The following PHACTR1 variants were observed in gnomAD, a reference collection of about 807,000 sequenced individuals.
PHACTR1 encodes phosphatase and actin regulator 1, also known as RPEL repeat containing 1.
PHACTR1 carries 16 observed loss-of-function variants against 69.2 expected under a neutral mutation model. The ratio of observed to expected loss-of-function variants is 0.23; its 90% confidence interval spans 0.16 to 0.35. The LOEUF (loss-of-function observed/expected upper bound fraction) is 0.35. PHACTR1 is among the 10% of genes least tolerant of loss of function. PHACTR1 has a pLI of 1.00. For missense variants in PHACTR1, 510 were observed against 734.7 expected (o/e 0.69, Z 3.54); for synonymous variants, 312 against 284.5 (o/e 1.10, Z -0.97).
chr6:13,190,011 A>C (rs1252020323), intron 7 of PHACTR1, among the ~76,000 whole-genome samples: 1 of 142,130 alleles, frequency 7.0e-6, no homozygotes, highest in Non-Finnish European at 1.5e-5. Flanking sequence ...GAGATCTCTG[A>C]TATCTCTTCT....
At chr6:12,840,765 A>G (rs191822866) in intron 4 of PHACTR1, among the ~76,000 whole-genome samples, 5 of 152,260 alleles carry the variant, frequency 3.3e-5, no homozygotes, top group South Asian at 4.1e-4. Flanking sequence ...ATTTATGTCT[A>G]TTCAAAGGTA....
intron 4 of PHACTR1, among the ~76,000 whole-genome samples, chr6:12,973,122 A>G (rs1003132112): frequency 1.3e-5 from 2 of 152,136 alleles, no homozygotes; most frequent in Non-Finnish European, 2.9e-5. Context: ...TCCTTCTGCC[A>G]TGTAAGGTAC....
chr6:12,990,142 G>T (rs1054925914), intron 4 of PHACTR1, among the ~76,000 whole-genome samples: 17 of 152,144 alleles, frequency 1.1e-4, no homozygotes, highest in Non-Finnish European at 2.4e-4. Flanking sequence ...GTTTTCTAAG[G>T]TCTTATGAGA....
At chr6:12,793,798 T>TC (rs1392696653) in intron 4 of PHACTR1, among the ~76,000 whole-genome samples, 4 of 152,190 alleles carry the variant, frequency 2.6e-5, no homozygotes, top group African/African-American at 9.7e-5. Context: ...CTTTAATGAG[T>TC]CATCAGATTT....
intron 3 of PHACTR1, among the ~76,000 whole-genome samples, chr6:12,728,716 G>A (rs1040570208): frequency 6.6e-6 from 1 of 152,144 alleles, no homozygotes; most frequent in East Asian, 1.9e-4. Flanking sequence ...CAGGTAATAT[G>A]TAACTCTTTC....
At chr6:12,753,440 A>C (rs1766864153) in intron 4 of PHACTR1, among the ~76,000 whole-genome samples, 1 of 152,212 alleles carries the variant, frequency 6.6e-6, no homozygotes, top group Admixed American at 6.5e-5. Context: ...AATTAAGCCC[A>C]TCTTATATTT....
chr6:13,109,088 C>A (rs1435718517), intron 5 of PHACTR1, among the ~76,000 whole-genome samples: 2 of 151,986 alleles, frequency 1.3e-5, no homozygotes, highest in African/African-American at 4.8e-5. Context: ...AAACAGTAAA[C>A]CTCCATTTTC....
intron 3 of PHACTR1, among the ~76,000 whole-genome samples, chr6:12,719,194 G>A (rs1349569467): frequency 1.3e-5 from 2 of 152,198 alleles, no homozygotes; most frequent in African/African-American, 4.8e-5. Flanking sequence ...CACAGCTCTT[G>A]AAATCTTAGG....
At chr6:12,929,229 G>A (rs1788611561) in intron 4 of PHACTR1, among the ~76,000 whole-genome samples, 1 of 152,166 alleles carries the variant, frequency 6.6e-6, no homozygotes, top group East Asian at 1.9e-4. Context: ...TTCCCCACGT[G>A]GTTAGGCTGC....
At chr6:13,195,019 T>C (rs112126890) in intron 7 of PHACTR1, among the ~76,000 whole-genome samples, 9 of 152,170 alleles carry the variant, frequency 5.9e-5, no homozygotes, top group African/African-American at 2.2e-4. Flanking sequence ...TTCATTACTC[T>C]TGTTTCTCTC....
At chr6:12,805,347 C>T (rs1331626805) in intron 4 of PHACTR1, among the ~76,000 whole-genome samples, 1 of 152,154 alleles carries the variant, frequency 6.6e-6, no homozygotes, top group Non-Finnish European at 1.5e-5. Flanking sequence ...AATTGTCAGT[C>T]CCCTATCTCA....
chr6:12,802,922 T>C (rs1041401006), intron 4 of PHACTR1, among the ~76,000 whole-genome samples: 2 of 152,224 alleles, frequency 1.3e-5, no homozygotes, highest in Non-Finnish European at 2.9e-5. Context: ...CAATTCAGTG[T>C]ATTCCTTACT....
chr6:13,285,531 C>T (rs1277607321), intron 13 of PHACTR1, among the ~76,000 whole-genome samples: 1 of 152,188 alleles, frequency 6.6e-6, no homozygotes, highest in Non-Finnish European at 1.5e-5. Flanking sequence ...TCTTTGCTGT[C>T]TGATTCCAGG....
intron 10 of PHACTR1, among the ~76,000 whole-genome samples, chr6:13,237,076 A>T (rs1469599055): frequency 6.6e-6 from 1 of 152,238 alleles, no homozygotes; most frequent in South Asian, 2.1e-4. Flanking sequence ...TGACAATTTC[A>T]ATTTTTTTAG....
At chr6:13,127,964 C>A (rs1055410992) in intron 5 of PHACTR1, among the ~76,000 whole-genome samples, 1 of 151,546 alleles carries the variant, frequency 6.6e-6, no homozygotes, top group Non-Finnish European at 1.5e-5. Context: ...ACAATCATGG[C>A]GGAAGGGGAA....
intron 7 of PHACTR1, chr6:13,184,664 A>T: frequency 3.6e-6 from 2 of 555,222 alleles, no homozygotes; most frequent in Non-Finnish European, 6.2e-6. Context: ...GTAGCTCTCT[A>T]CACATGCGTG....
chr6:13,078,340 TAA>T (rs1218054057), intron 5 of PHACTR1, among the ~76,000 whole-genome samples: 1 of 152,186 alleles, frequency 6.6e-6, no homozygotes, highest in Non-Finnish European at 1.5e-5. Flanking sequence ...CCCTTTTTTG[TAA>T]AGACACCAGT....
intron 4 of PHACTR1, among the ~76,000 whole-genome samples, chr6:12,914,870 A>G (rs1201573903): frequency 2.0e-5 from 3 of 152,220 alleles, no homozygotes; most frequent in African/African-American, 7.2e-5. Context: ...GTTCAGGTCC[A>G]CTGGAGAAAG....
intron 7 of PHACTR1, among the ~76,000 whole-genome samples, chr6:13,194,545 A>T (rs1223562): frequency 0.26 from 39,135 of 151,544 alleles, 5,428 homozygotes; most frequent in Non-Finnish European, 0.3. Context: ...TGACTCAGTT[A>T]GCTGGAGAGT....
Sources: allele counts gnomAD v4.1 joint callset (sites outside exome capture counted in the v4.1 genomes callset), GRCh38; gene constraint gnomAD v4.1.1; transcripts MANE v1.5; gene names NCBI Gene and HGNC (gene_info 2026-07-23, HGNC 2026-07-21).